MRTFB: variants seen among roughly 807,000 people sequenced by gnomAD.
MRTFB encodes the protein myocardin-related transcription factor B.
Under a neutral mutation model 104.2 loss-of-function variants are expected in MRTFB, and 29 were observed. The ratio of observed to expected loss-of-function variants is 0.28; its 90% CI spans 0.21 to 0.38. The LOEUF (loss-of-function observed/expected upper bound fraction) is 0.38, where lower values mean the gene tolerates loss of function less well. Among genes scored for constraint, MRTFB ranks in the 10% least tolerant of loss-of-function variants. MRTFB has a pLI of 1.00. For synonymous variants in MRTFB, 535 were observed against 519.5 expected, an observed-to-expected ratio of 1.03 and a Z score of -0.41; for missense variants, 1,270 against 1,341.6, an observed-to-expected ratio of 0.95 and a Z score of 0.83.
the MRTFB span, among the ~76,000 whole-genome samples, chr16:14,023,359 C>T: frequency 6.6e-6 from 1 of 151,922 alleles, no homozygotes; most frequent in South Asian, 2.1e-4. Flanking sequence ...GTGGGAGAAT[C>T]ATTTGAGCCC....
At chr16:14,012,143 G>A in the MRTFB span, among the ~76,000 whole-genome samples, 5 of 152,222 alleles carry the variant, frequency 3.3e-5, no homozygotes, top group African/African-American at 1.2e-4. Flanking sequence ...TGGAGAAGGT[G>A]AGGGTGGCAG....
chr16:14,096,020 A>G (rs1311816208), intron 2 of MRTFB, among the ~76,000 whole-genome samples: 5 of 152,104 alleles, frequency 3.3e-5, no homozygotes, highest in Non-Finnish European at 5.9e-5. Flanking sequence ...TCTTTTGAGA[A>G]CAAGAACATG....
At chr16:14,157,797 A>T (rs910173084) in intron 3 of MRTFB, among the ~76,000 whole-genome samples, 1 of 152,256 alleles carries the variant, frequency 6.6e-6, no homozygotes, top group African/African-American at 2.4e-5. Flanking sequence ...CAAATAAATG[A>T]GACATCACTG....
the MRTFB span, among the ~76,000 whole-genome samples, chr16:14,029,419 AATATAT>A: frequency 6.7e-5 from 6 of 88,898 alleles, no homozygotes; most frequent in East Asian, 3.0e-4. Context: ...AAAAAAAAAA[AATATAT>A]ATATATATAT....
intron 14 of MRTFB, 94 bp from the exon 15 acceptor site, chr16:14,252,271 G>A: frequency 6.6e-7 from 1 of 1,513,950 alleles, no homozygotes; most frequent in South Asian, 1.3e-5. Flanking sequence ...CCCTGATTTG[G>A]CCACTACATA....
chr16:14,219,885 G>A (rs891727238), intron 8 of MRTFB, among the ~76,000 whole-genome samples: 5 of 152,136 alleles, frequency 3.3e-5, no homozygotes, highest in Non-Finnish European at 7.4e-5. Flanking sequence ...GGGAGAGAGA[G>A]CAAGTATATT....
chr16:14,251,734 C>A, intron 13 of MRTFB, 128 bp from the exon 14 acceptor site: 1 of 952,292 alleles, frequency 1.1e-6, no homozygotes, highest in Non-Finnish European at 1.6e-6. Context: ...ACCCACAAAT[C>A]ATAAGCTATA....
At chr16:14,077,726 CGTGTGAAACTCATCGCTTA>C (rs1362268064) in intron 1 of MRTFB, among the ~76,000 whole-genome samples, 1 of 152,116 alleles carries the variant, frequency 6.6e-6, no homozygotes, top group Non-Finnish European at 1.5e-5. Flanking sequence ...AAAGAGAAAA[CGTGTGAAACTCATCGCTTA>C]GTGCCCTTGG....
At chr16:14,195,841 T>C (rs1375187008) in intron 3 of MRTFB, among the ~76,000 whole-genome samples, 2 of 152,196 alleles carry the variant, frequency 1.3e-5, no homozygotes, top group East Asian at 1.9e-4. Flanking sequence ...AAAATAAACA[T>C]TATCTTCTTT....
chr16:14,039,908 C>A, the MRTFB span, among the ~76,000 whole-genome samples: 1 of 152,036 alleles, frequency 6.6e-6, no homozygotes, highest in African/African-American at 2.4e-5. Context: ...ACCACCACGC[C>A]TGTCTAATTT....
At chr16:14,132,326 T>C (rs574522928) in intron 2 of MRTFB, among the ~76,000 whole-genome samples, 27 of 152,058 alleles carry the variant, frequency 1.8e-4, no homozygotes, top group African/African-American at 6.0e-4. Context: ...TTTTTTTTTT[T>C]AGATGAGAAT....
At chr16:14,081,841 A>G (rs1185466298) in intron 2 of MRTFB, among the ~76,000 whole-genome samples, 1 of 152,196 alleles carries the variant, frequency 6.6e-6, no homozygotes, top group African/African-American at 2.4e-5. Flanking sequence ...TCGGCTTCCC[A>G]AAGTGCTGGG....
chr16:14,197,093 C>A (rs1284516034), intron 3 of MRTFB, among the ~76,000 whole-genome samples: 1 of 151,530 alleles, frequency 6.6e-6, no homozygotes, highest in Non-Finnish European at 1.5e-5. Flanking sequence ...CCACCTCCAC[C>A]TCAGCCTCCC....
the MRTFB span, among the ~76,000 whole-genome samples, chr16:14,042,390 C>G: frequency 1.3e-5 from 2 of 152,164 alleles, no homozygotes; most frequent in Non-Finnish European, 2.9e-5. Context: ...TCCTAAAGTG[C>G]TGGGACTACA....
the MRTFB span, among the ~76,000 whole-genome samples, chr16:14,021,951 G>A: frequency 2.0e-5 from 3 of 152,078 alleles, no homozygotes; most frequent in African/African-American, 7.2e-5. Context: ...TGGGACTGCT[G>A]GATCAAATGG....
rs117997451 is a variant in MRTFB, at chr16:14,235,120, C to T, written c.831+837C>T. On this transcript the variant is annotated intron_variant, in intron 9 of 16. Transcript: ENST00000571589. ...CAAGTCTAGCTCTCTCCTGCCTCCC[C>T]AACCTGTTGCAGAACTCTTCTGAGG... Among the ~76,000 whole-genome samples the T allele has an allele frequency of 2.6e-5, 4 of 152,320 alleles. No individual in the cohort carries two copies. The East Asian group carries it at 5.8e-4, about 22-fold the overall frequency.
At chr16:14,074,725 A>G (rs2033932875) in intron 1 of MRTFB, among the ~76,000 whole-genome samples, 1 of 152,186 alleles carries the variant, frequency 6.6e-6, no homozygotes, top group African/African-American at 2.4e-5. Context: ...GATTAACACC[A>G]AAAACTTGAT....
the MRTFB span, among the ~76,000 whole-genome samples, chr16:14,037,514 A>G: frequency 1.3e-5 from 2 of 152,042 alleles, no homozygotes; most frequent in African/African-American, 4.8e-5. Flanking sequence ...TTCTTTTTAC[A>G]TGGATGTGAG....
At chr16:14,003,131 C>T in the MRTFB span, among the ~76,000 whole-genome samples, 1 of 152,104 alleles carries the variant, frequency 6.6e-6, no homozygotes, top group Non-Finnish European at 1.5e-5. Flanking sequence ...TGTAGCTTTT[C>T]CCACATCACA....
Sources: allele counts gnomAD v4.1 joint callset (sites outside exome capture counted in the v4.1 genomes callset), GRCh38; gene constraint gnomAD v4.1.1; transcripts MANE v1.5; gene names NCBI Gene and HGNC (gene_info 2026-07-23, HGNC 2026-07-21).